SLC35H1: variants seen among roughly 807,000 people sequenced by gnomAD.
SLC35H1 encodes the protein solute carrier family 35 member H1, also known as ovarian cancer-overexpressed gene 1 protein.
At chr20:46,352,277 G>A in the SLC35H1 span, 6 of 1,561,784 alleles carry the variant, frequency 3.8e-6, no homozygotes, top group Non-Finnish European at 5.3e-6. Flanking sequence ...GGCTGCCTTG[G>A]CCAGCCCAAT....
the SLC35H1 span, chr20:46,350,648 C>G: frequency 8.3e-7 from 1 of 1,211,186 alleles, no homozygotes; most frequent in Non-Finnish European, 1.1e-6. Flanking sequence ...CCCACATCTT[C>G]CTAGAGGAGT....
chr20:46,356,703 C>A, the SLC35H1 span: 2 of 1,484,828 alleles, frequency 1.3e-6, no homozygotes, highest in East Asian at 2.4e-5. Flanking sequence ...TGGGCTGGTA[C>A]CCTGAGGCAC....
chr20:46,354,974 C>T, the SLC35H1 span: 2,433 of 1,613,846 alleles, frequency 1.5e-3, 6 homozygotes, highest in Middle Eastern at 8.1e-3. Flanking sequence ...GCCTGCAGGG[C>T]GGGGGACAGG....
At chr20:46,353,283 C>G in the SLC35H1 span, 1 of 152,220 alleles carries the variant, frequency 6.6e-6, no homozygotes, top group Non-Finnish European at 1.5e-5. Flanking sequence ...AAACACATGG[C>G]CCCTTGCTCC....
At chr20:46,355,119 G>A in the SLC35H1 span, 1 of 1,614,148 alleles carries the variant, frequency 6.2e-7, no homozygotes, top group Non-Finnish European at 8.5e-7. The surrounding 1 kb of genome is among the most constrained non-coding windows in gnomAD (Gnocchi z 4.8). Flanking sequence ...TCCAGCGAAT[G>A]CCACCGATGA....
chr20:46,358,957 A>G, the SLC35H1 span: 1 of 599,880 alleles, frequency 1.7e-6, no homozygotes, highest in East Asian at 2.8e-5. Context: ...CACCAAAGTG[A>G]CCTTTTAAAA....
the SLC35H1 span, among the ~76,000 whole-genome samples, chr20:46,351,098 G>A: frequency 6.6e-6 from 1 of 152,256 alleles, no homozygotes; most frequent in Non-Finnish European, 1.5e-5. Context: ...TGCAACAAAG[G>A]AGGTGCTTGT....
At chr20:46,354,600 C>T in the SLC35H1 span, among the ~76,000 whole-genome samples, 2 of 152,170 alleles carry the variant, frequency 1.3e-5, no homozygotes, top group Admixed American at 6.5e-5. Flanking sequence ...TACTGCCACA[C>T]CAGGTTTTTG....
the SLC35H1 span, chr20:46,350,557 C>T: frequency 1.3e-6 from 2 of 1,557,042 alleles, no homozygotes; most frequent in Non-Finnish European, 1.7e-6. Flanking sequence ...GTTACAGGCC[C>T]AGTCGTGGTT....
At chr20:46,355,205 C>G in the SLC35H1 span, 7 of 1,613,918 alleles carry the variant, frequency 4.3e-6, no homozygotes, top group Admixed American at 5.0e-5. The surrounding 1 kb of genome is among the most constrained non-coding windows in gnomAD (Gnocchi z 4.8). Context: ...AAGAGACCCC[C>G]GGCGATGAGG....
chr20:46,358,399 C>T, the SLC35H1 span: 4 of 1,614,036 alleles, frequency 2.5e-6, no homozygotes, highest in African/African-American at 4.0e-5. Flanking sequence ...TTGTCAGCCA[C>T]TTGTTGTAGA....
At chr20:46,354,898 G>C in the SLC35H1 span, 1 of 1,608,968 alleles carries the variant, frequency 6.2e-7, no homozygotes, top group Non-Finnish European at 8.5e-7. Context: ...ATACAGCAAA[G>C]AGAGGGAAGA....
At chr20:46,355,118 T>C in the SLC35H1 span, 1 of 1,614,104 alleles carries the variant, frequency 6.2e-7, no homozygotes, top group Non-Finnish European at 8.5e-7. This position sits in a 1 kb window ranked among gnomAD's most constrained non-coding sequence, Gnocchi z 4.8. Context: ...GTCCAGCGAA[T>C]GCCACCGATG....
chr20:46,352,331 G>T, the SLC35H1 span: 1 of 972,974 alleles, frequency 1.0e-6, no homozygotes, highest in Middle Eastern at 2.4e-4. Context: ...AGTTCTTACT[G>T]AGACCTGCTA....
chr20:46,352,533 A>G, the SLC35H1 span: 2,950 of 293,892 alleles, frequency 0.01, 91 homozygotes, highest in African/African-American at 0.058. Context: ...GGATCCTAGC[A>G]GGATGATGGG....
At chr20:46,355,443 C>G in the SLC35H1 span, 1 of 657,936 alleles carries the variant, frequency 1.5e-6, no homozygotes, top group African/African-American at 1.8e-5. The surrounding 1 kb of genome is among the most constrained non-coding windows in gnomAD (Gnocchi z 4.8). Context: ...GCTGGTATGC[C>G]AACAGCCCTG....
the SLC35H1 span, chr20:46,357,848 G>T: frequency 6.5e-7 from 1 of 1,548,640 alleles, no homozygotes; most frequent in Non-Finnish European, 8.8e-7. Flanking sequence ...CTTCCTCTTC[G>T]CCCCTCTGCT....
chr20:46,350,157 T>G, the SLC35H1 span: 3 of 364,340 alleles, frequency 8.2e-6, no homozygotes, highest in East Asian at 4.3e-5. Flanking sequence ...CCTGCTGCGA[T>G]TCCAGCGCAG....
At chr20:46,350,985 T>G in the SLC35H1 span, 11 of 1,508,388 alleles carry the variant, frequency 7.3e-6, no homozygotes, top group African/African-American at 1.4e-5. Context: ...TACACTCAGG[T>G]GGGCAGATCA....
Sources: gnomAD v4.1 joint callset for allele counts (sites outside exome capture counted in the v4.1 genomes callset) on GRCh38, gnomAD v4.1.1 for gene constraint, Gnocchi (gnomAD v3.1) non-coding constraint, MANE v1.5 for transcripts, NCBI Gene and HGNC (gene_info 2026-07-23, HGNC 2026-07-21) for gene names.